The following OR10H5 variants were observed in gnomAD, a reference collection of about 807,000 sequenced individuals.
The protein encoded by OR10H5 is olfactory receptor family 10 subfamily H member 5, also known as olfactory receptor 10H5.
In OR10H5, 7 loss-of-function variants were observed where a neutral mutation model predicts 12.2. That is an observed-to-expected ratio of 0.57 (90% CI 0.33 to 1.07). OR10H5 has a LOEUF of 1.07. Ranked by LOEUF, OR10H5 falls within the 50% of genes least tolerant of loss-of-function variation. OR10H5 has a pLI of 0.04. For missense variants in OR10H5, 346 were observed against 411.6 expected (o/e 0.84, Z 1.38); for synonymous variants, 159 against 175.1 (o/e 0.91, Z 0.73).
intron 1 of OR10H5, among the ~76,000 whole-genome samples, chr19:15,792,130 A>T (rs1555765421): frequency 6.6e-6 from 1 of 152,120 alleles, no homozygotes; most frequent in Non-Finnish European, 1.5e-5. Context: ...GAATTTTGCC[A>T]GTTTGTCAGC....
Position 15,795,071 on chromosome 19 carries a change from C to T in OR10H5, c.*75C>T, listed in dbSNP as rs551397530. 8.7e-5 allele frequency: 109 copies of T among 1,254,632 alleles called. No homozygotes were observed. The highest frequency in any genetic ancestry group is 2.2e-6 in the Non-Finnish European group (2 of 904,332). The allele number at this position is 1,254,632 out of a possible 1,614,324, so 77.7% of individuals were successfully genotyped here. On this transcript the variant is annotated 3_prime_UTR_variant, in exon 2 of 2. Transcript: ENST00000642092. ...TTCCTCCTTTATTTCTTTTCCTTTC[C>T]TCCCTCCCTCCTTTCCTCCCTCCCT... is the stretch of plus-strand genomic sequence containing the variant.
chr19:15,797,394 T>G lies in OR10H5; in HGVS notation c.*2398T>G, dbSNP rs1258701024. The G allele has an allele frequency of 1.3e-5, 2 of 152,152 alleles. No homozygotes were observed. Among genetic ancestry groups the G allele is most frequent in the Admixed American group, 1.3e-4 (2 of 15,270 alleles). 9.4% of individuals were successfully genotyped at this position (152,152 alleles called of 1,614,324 possible). A position where few individuals can be genotyped will look rare whatever the true frequency, so the allele number is the denominator to read the frequency against. Reference sequence around the variant, plus strand: ...ACAGGTAAAAATCAGACTGTGTGAGTTTGAAAGAGTGCAGGAAAGGTGGCT... The same window carrying G: ...ACAGGTAAAAATCAGACTGTGTGAGGTTGAAAGAGTGCAGGAAAGGTGGCT... On this transcript the variant is annotated 3_prime_UTR_variant, in exon 2 of 2. Coordinates refer to ENST00000642092, the MANE Select transcript of OR10H5 (RefSeq NM_001004466.2).
At position 15,794,298 on chromosome 19, in the gene OR10H5, G is replaced by T. The variant is rs575365825; in HGVS notation, c.250G>T (p.Asp84Tyr). The T allele has an allele frequency of 6.2e-7, 1 of 1,613,558 alleles. No individual in the cohort carries two copies. The highest frequency in any genetic ancestry group is 1.7e-5 in the Admixed American group (1 of 59,958). ...GGCCATCATCCCGCGCATGCTGGCC[G>T]ACCTGCTGTCCACCCAGCGCTCCAT... is the stretch of plus-strand genomic sequence containing the variant. ...TVAIIPRMLA[D>Y]LLSTQRSIAF... The change falls in exon 2 of 2, where the codon GAC (aspartate) becomes TAC (tyrosine). Residue 84 changes from aspartate (D) to tyrosine (Y), a missense_variant. By Grantham distance (160) the Asp-to-Tyr change is radical (BLOSUM62 -3). Transcript: ENST00000642092.
chr19:15,791,393 A>G (rs189595128), intron 1 of OR10H5, among the ~76,000 whole-genome samples: 5 of 152,094 alleles, frequency 3.3e-5, no homozygotes, highest in Admixed American at 3.3e-4. Flanking sequence ...ATTTAAAAAC[A>G]GTAGTCTTCA....
In OR10H5 at chr19:15,795,319, T is replaced by C; in HGVS notation, c.*323T>C. 1 of 259,986 alleles carries C rather than the reference T, an allele frequency of 3.8e-6. No homozygotes were observed. Among genetic ancestry groups the C allele is most frequent in the Non-Finnish European group, 7.3e-6 (1 of 136,712 alleles). 16.1% of individuals were successfully genotyped at this position (259,986 alleles called of 1,614,324 possible). A position where few individuals can be genotyped will look rare whatever the true frequency, so the allele number is the denominator to read the frequency against. ...TCACTCTCTTTCTCCCTCCTTGTTC[T>C]TTTGTTTTTGTTTTTGTTTTTGTTT... On this transcript the variant is annotated 3_prime_UTR_variant, in exon 2 of 2. Coordinates refer to ENST00000642092, the MANE Select transcript of OR10H5 (RefSeq NM_001004466.2).
chr19:15,799,487 C>T lies in OR10H5; in HGVS notation c.*4491C>T, dbSNP rs1213843298. The T allele has an allele frequency of 6.6e-6, 1 of 151,998 alleles. No individual in the cohort carries two copies. The highest frequency in any genetic ancestry group is 1.5e-5 in the Non-Finnish European group (1 of 68,018). 9.4% of individuals were successfully genotyped at this position (151,998 alleles called of 1,614,324 possible). ...CCTCGAAAGACTAAAAAATGGAAGC[C>T]ATCATTAATTTAAAACAGGATTAAG... On this transcript the variant is annotated 3_prime_UTR_variant, in exon 2 of 2. Transcript: ENST00000642092.
intron 1 of OR10H5, among the ~76,000 whole-genome samples, chr19:15,791,584 T>C (rs978325480): frequency 1.3e-5 from 2 of 152,118 alleles, no homozygotes; most frequent in Non-Finnish European, 2.9e-5. Flanking sequence ...CTCATTTTAT[T>C]TATTCCCATT....
At chr19:15,793,833 CA>C (rs2088820610) in intron 1 of OR10H5, 2 of 552,346 alleles carry the variant, frequency 3.6e-6, no homozygotes, top group Admixed American at 6.3e-5. Context: ...GAGCTGAGAT[CA>C]CACCACTGCA....
chr19:15,789,286 G>A (rs2088798124), intron 1 of OR10H5, among the ~76,000 whole-genome samples: 1 of 152,216 alleles, frequency 6.6e-6, no homozygotes, highest in Non-Finnish European at 1.5e-5. Flanking sequence ...CACCGCCAGT[G>A]TGCATTTCAG....
rs992603809 is a variant in OR10H5 at position 15,796,808 on chromosome 19, A to AT, written c.*1814dup. 9.2e-5 allele frequency: 14 copies of AT among 151,492 alleles called. No individual in the cohort carries two copies. The highest frequency in any genetic ancestry group is 3.2e-4 in the African/African-American group (13 of 41,244). The allele number at this position is 151,492 out of a possible 1,614,324, so 9.4% of individuals were successfully genotyped here. On this transcript the variant is annotated 3_prime_UTR_variant, in exon 2 of 2. Transcript: ENST00000642092. ...GCTTTGCAAAAAAAAAAAACTACCC[A>AT]TTAAATCCGGGTTCCTGGGTTATAT...
chr19:15,791,065 G>T (rs2088807288), intron 1 of OR10H5, among the ~76,000 whole-genome samples: 1 of 152,126 alleles, frequency 6.6e-6, no homozygotes, highest in Non-Finnish European at 1.5e-5. Flanking sequence ...ACAAATAGAG[G>T]CCAGGGATGG....
At chr19:15,792,797 G>T (rs192922814) in intron 1 of OR10H5, among the ~76,000 whole-genome samples, 1 of 151,964 alleles carries the variant, frequency 6.6e-6, no homozygotes, top group Non-Finnish European at 1.5e-5. Context: ...GTTTATTCCA[G>T]GCCCTGTGGC....
rs2144931528 is a variant in OR10H5 at position 15,796,977 on chromosome 19, TA to T, written c.*1982del. The T allele has an allele frequency of 6.6e-6, 1 of 151,928 alleles. No individual in the cohort carries two copies. Among genetic ancestry groups the T allele is most frequent in the African/African-American group, 2.4e-5 (1 of 41,426 alleles). 9.4% of individuals were successfully genotyped at this position (151,928 alleles called of 1,614,324 possible). Reference sequence around the variant, plus strand: ...CGTCTCTACTAAAAATACAAAAAATTACCCGGGCGTGGTGGCACATGCCTGT... The same window carrying T: ...CGTCTCTACTAAAAATACAAAAAATTCCCGGGCGTGGTGGCACATGCCTGT... On this transcript the variant is annotated 3_prime_UTR_variant, in exon 2 of 2. Transcript: ENST00000642092.
rs1384796907 is a variant in OR10H5 at position 15,795,127 on chromosome 19, CTCCT to C, written c.*133_*136del. ...CCTTCCTTCTTTCCTTCCTCCCTCC[CTCCT>C]TTCCTCCCTCCTTCTCTGACCTACA... On this transcript the variant is annotated 3_prime_UTR_variant, in exon 2 of 2. Coordinates refer to ENST00000642092, the MANE Select transcript of OR10H5 (RefSeq NM_001004466.2). 3.7e-5 allele frequency: 29 copies of C among 787,904 alleles called. No homozygotes were observed. The highest frequency in any genetic ancestry group is 2.5e-4 in the Admixed American group (9 of 35,380). 48.8% of individuals were successfully genotyped at this position (787,904 alleles called of 1,614,324 possible).
Position 15,795,075 on chromosome 19 carries a change from C to CT in OR10H5, c.*80dup. The CT allele has an allele frequency of 2.4e-6, 3 of 1,239,072 alleles. No homozygotes were observed. Among genetic ancestry groups the CT allele is most frequent in the Non-Finnish European group, 3.4e-6 (3 of 890,548 alleles). The allele number at this position is 1,239,072 out of a possible 1,614,324, so 76.8% of individuals were successfully genotyped here. On this transcript the variant is annotated 3_prime_UTR_variant, in exon 2 of 2. Coordinates refer to ENST00000642092, the MANE Select transcript of OR10H5 (RefSeq NM_001004466.2). ...TCCTTTATTTCTTTTCCTTTCCTCC[C>CT]TCCCTCCTTTCCTCCCTCCCTCCCT...
chr19:15,788,690 T>A (rs2088795669), intron 1 of OR10H5, among the ~76,000 whole-genome samples: 1 of 151,974 alleles, frequency 6.6e-6, no homozygotes, highest in East Asian at 1.9e-4. Flanking sequence ...GGTTTTGCCA[T>A]GTTGCTCAGG....
chr19:15,791,881 A>G lies in OR10H5; in HGVS notation c.-11-2157A>G, dbSNP rs150088354. 7.3e-3 allele frequency among the ~76,000 whole-genome samples: 1,107 copies of G among 151,768 alleles called. 17 individuals carry two copies. The highest frequency in any genetic ancestry group is 0.025 in the African/African-American group (1,052 of 41,376). On this transcript the variant is annotated intron_variant, in intron 1 of 1. Transcript: ENST00000642092. ...CTAATTTTTTTGTATTTTTAGTAGA[A>G]ACGGGTTTTCACCATGTTAGCCAGG... is the stretch of plus-strand genomic sequence containing the variant.
At chr19:15,790,379 C>T (rs919321585) in intron 1 of OR10H5, among the ~76,000 whole-genome samples, 3 of 152,196 alleles carry the variant, frequency 2.0e-5, no homozygotes, top group Admixed American at 2.0e-4. Flanking sequence ...GCCTTGAGAA[C>T]TGTGTGCTAA....
intron 1 of OR10H5, among the ~76,000 whole-genome samples, chr19:15,790,417 C>A (rs929402272): frequency 6.6e-6 from 1 of 152,194 alleles, no homozygotes; most frequent in Non-Finnish European, 1.5e-5. Context: ...GCCCAGGGAA[C>A]CCCCAGGGCA....
Sources: allele counts gnomAD v4.1 joint callset (sites outside exome capture counted in the v4.1 genomes callset), GRCh38; gene constraint gnomAD v4.1.1; transcripts MANE v1.5; gene names NCBI Gene and HGNC (gene_info 2026-07-23, HGNC 2026-07-21).